The following ITK variants were observed in gnomAD, a reference collection of about 807,000 sequenced individuals.
The protein encoded by ITK is tyrosine-protein kinase ITK/TSK.
ITK carries 45 observed loss-of-function variants against 87.6 expected under a neutral mutation model. The ratio of observed to expected loss-of-function variants is 0.51; its 90% CI spans 0.40 to 0.66. The LOEUF is 0.66. ITK is among the 30% of genes least tolerant of loss of function. The pLI is 0.00. For missense variants in ITK, 605 were observed against 766.3 expected, an observed-to-expected ratio of 0.79 and a Z score of 2.48; for synonymous variants, 303 against 273.6, an observed-to-expected ratio of 1.11 and a Z score of -1.06.
chr5:157,190,767 G>A (rs1753737575), intron 1 of ITK, among the ~76,000 whole-genome samples: 1 of 152,118 alleles, frequency 6.6e-6, no homozygotes, highest in Non-Finnish European at 1.5e-5. Flanking sequence ...GGAACGGCAA[G>A]TACAAAGACC....
rs896336118 is a variant in ITK, at chr5:157,205,746, T to C, written c.139-3143T>C. Among the ~76,000 whole-genome samples, 7 of 152,346 alleles carry C rather than the reference T, an allele frequency of 4.6e-5. No homozygotes were observed. The East Asian group carries it at 9.6e-4, about 21-fold the overall frequency. ...GTATGATGTTGGCTGTAGTTTGTCA[T>C]AGATGGCTCTTATTATTTTGACGTA... On this transcript the variant is annotated intron_variant, in intron 1 of 16. Transcript: ENST00000422843.
At chr5:157,230,901 A>G (rs1487776433) in intron 7 of ITK, among the ~76,000 whole-genome samples, 1 of 152,248 alleles carries the variant, frequency 6.6e-6, no homozygotes, top group Non-Finnish European at 1.5e-5. Context: ...AAAACAATCT[A>G]GTTATACTGT....
intron 7 of ITK, among the ~76,000 whole-genome samples, chr5:157,229,615 T>G (rs2113765378): frequency 6.6e-6 from 1 of 152,228 alleles, no homozygotes; most frequent in African/African-American, 2.4e-5. Context: ...TTGGTCCACA[T>G]TAAAAAAGAC....
Position 157,204,607 on chromosome 5 carries a change from G to A in ITK, c.139-4282G>A, listed in dbSNP as rs1044027155. Reference sequence around the variant, plus strand: ...CCAGCTACTCAGGAGGCTGAGGCAGGAGAATCGCTTGAACCCAGGAGGTGG... The same window carrying A: ...CCAGCTACTCAGGAGGCTGAGGCAGAAGAATCGCTTGAACCCAGGAGGTGG... On this transcript the variant is annotated intron_variant, in intron 1 of 16. Coordinates refer to ENST00000422843, the MANE Select transcript of ITK (RefSeq NM_005546.4). 5.3e-5 allele frequency among the ~76,000 whole-genome samples: 8 copies of A among 152,162 alleles called. No homozygotes were observed. The South Asian group carries it at 1.7e-3, about 32-fold the overall frequency.
chr5:157,209,201 G>A (rs934727293), intron 2 of ITK, among the ~76,000 whole-genome samples: 3 of 152,008 alleles, frequency 2.0e-5, no homozygotes, highest in African/African-American at 7.3e-5. Context: ...GCGTACTGGC[G>A]GGCGCCTGTT....
intron 1 of ITK, among the ~76,000 whole-genome samples, chr5:157,184,483 G>A (rs954945254): frequency 5.3e-5 from 8 of 152,166 alleles, no homozygotes; most frequent in Non-Finnish European, 8.8e-5. Flanking sequence ...TTAGTTGCAT[G>A]TGACTGATAT....
chr5:157,208,969 A>G lies in ITK; in HGVS notation c.219A>G (p.Pro73=), dbSNP rs768575926. The G allele has an allele frequency of 8.1e-6, 13 of 1,613,424 alleles. No individual in the cohort carries two copies. The Admixed American group carries it at 1.7e-4, about 21-fold the overall frequency. ...TTGTGAAAAGTGACATCAGCATCCC[A>G]TGCCACTATAAATACCCGTTTCAGG... ...VEIVKSDISI[P]CHYKYPFQVV... is the part of the protein sequence containing the mutation. Residue 73 remains proline (P), a synonymous_variant, in exon 2 of 17, where the codon CCA becomes CCG. Transcript: ENST00000422843.
intron 1 of ITK, among the ~76,000 whole-genome samples, chr5:157,203,282 T>C (rs1241322891): frequency 1.3e-5 from 2 of 152,210 alleles, no homozygotes; most frequent in African/African-American, 4.8e-5. Context: ...TGGCCCTCCA[T>C]AAATATTTCC....
intron 8 of ITK, among the ~76,000 whole-genome samples, chr5:157,236,374 T>TAAA (rs35365324): frequency 1.4e-5 from 2 of 146,400 alleles, no homozygotes; most frequent in East Asian, 2.0e-4. Flanking sequence ...GACTCCATCT[T>TAAA]AAAAAAAAAA....
chr5:157,211,586 C>A (rs1324064793), intron 3 of ITK: 7 of 583,962 alleles, frequency 1.2e-5, no homozygotes. Flanking sequence ...TCTTGTCAGG[C>A]TCTGAGCAAT....
chr5:157,229,728 A>C (rs750472446), intron 7 of ITK, among the ~76,000 whole-genome samples: 3 of 152,144 alleles, frequency 2.0e-5, no homozygotes, highest in Non-Finnish European at 4.4e-5. Flanking sequence ...AGGCTGACCA[A>C]CATGGTGAAA....
intron 8 of ITK, among the ~76,000 whole-genome samples, chr5:157,236,285 C>G (rs1394622398): frequency 6.6e-6 from 1 of 151,700 alleles, no homozygotes; most frequent in Non-Finnish European, 1.5e-5. Flanking sequence ...TGAAGGAAGA[C>G]AGTCACTTGA....
intron 8 of ITK, 77 bp from the exon 9 acceptor site, chr5:157,238,032 G>A: frequency 9.3e-7 from 1 of 1,070,076 alleles, no homozygotes; most frequent in Non-Finnish European, 1.5e-6. Context: ...CTCCTTCTGT[G>A]GGCAAGAAAG....
In ITK at chr5:157,218,153, G is replaced by T. The variant is rs143768982; in HGVS notation, c.495+246G>T. ...TCACTTTATTTATTCAACAAATACT[G>T]ATATCAAATTGGGTGGCCATTCACC... On this transcript the variant is annotated intron_variant, in intron 5 of 16. Transcript: ENST00000422843. Among the ~76,000 whole-genome samples, 6 of 152,236 alleles carry T rather than the reference G, an allele frequency of 3.9e-5. No individual in the cohort carries two copies. In the East Asian group the frequency reaches 1.2e-3, roughly 29 times the overall value.
chr5:157,221,995 A>C (rs1327860718), intron 5 of ITK, among the ~76,000 whole-genome samples: 1 of 152,140 alleles, frequency 6.6e-6, no homozygotes, highest in Non-Finnish European at 1.5e-5. Context: ...TCTTAAAAAA[A>C]AAAATCCGAT....
At chr5:157,188,777 TTCTGTTG>T (rs1178489184) in intron 1 of ITK, among the ~76,000 whole-genome samples, 13 of 152,182 alleles carry the variant, frequency 8.5e-5, no homozygotes, top group African/African-American at 2.9e-4. Flanking sequence ...GCCTGGCTAA[TTCTGTTG>T]TTGATTTATT....
intron 10 of ITK, 75 bp downstream of exon 10, chr5:157,240,270 G>C (rs6860090): frequency 7.4e-7 from 1 of 1,357,774 alleles, no homozygotes; most frequent in Non-Finnish European, 1.1e-6. Flanking sequence ...ATTACTGCCT[G>C]AGCTCTGCCT....
rs1419116386 is a variant in ITK at position 157,222,904 on chromosome 5, A to G, written c.537A>G (p.Leu179=). 1.2e-6 allele frequency: 2 copies of G among 1,614,074 alleles called. No individual in the cohort carries two copies. Among genetic ancestry groups the G allele is most frequent in the Non-Finnish European group, 8.5e-7 (1 of 1,179,984 alleles). Residue 179 remains leucine, a synonymous_variant, in exon 6 of 17, where the codon TTA becomes TTG. Transcript: ENST00000422843. ...CTGAAGAAACTGTGGTCATTGCCTTATATGACTACCAAACCAATGATCCTC... is the reference window on the plus strand; with the variant it reads ...CTGAAGAAACTGTGGTCATTGCCTTGTATGACTACCAAACCAATGATCCTC... ...WEPEETVVIA[L]YDYQTNDPQE...
chr5:157,201,876 T>C (rs902159867), intron 1 of ITK, among the ~76,000 whole-genome samples: 4 of 152,202 alleles, frequency 2.6e-5, no homozygotes, highest in Non-Finnish European at 4.4e-5. Flanking sequence ...GAGGTACATG[T>C]GCAGGTTTTC....
Sources: allele counts gnomAD v4.1 joint callset (sites outside exome capture counted in the v4.1 genomes callset), GRCh38; gene constraint gnomAD v4.1.1; transcripts MANE v1.5; gene names NCBI Gene and HGNC (gene_info 2026-07-23, HGNC 2026-07-21).